CNTN5: variants seen among roughly 807,000 people sequenced by gnomAD.
The protein encoded by CNTN5 is contactin-5.
In CNTN5, 77 loss-of-function variants were observed where a neutral mutation model predicts 129.1. The observed-to-expected ratio is 0.60, with a 90% CI of 0.50 to 0.72. The LOEUF (loss-of-function observed/expected upper bound fraction) is 0.72, where lower values mean the gene tolerates loss of function less well. CNTN5 is among the 30% of genes least tolerant of loss of function. The pLI is 0.00. For synonymous variants in CNTN5, 509 were observed against 465.6 expected, an observed-to-expected ratio of 1.09 and a Z score of -1.20; for missense variants, 1,478 against 1,328.8, an observed-to-expected ratio of 1.11 and a Z score of -1.75.
chr11:99,112,244 T>C (rs11218422), intron 1 of CNTN5, among the ~76,000 whole-genome samples: 71,598 of 151,754 alleles, frequency 0.47, 17,060 homozygotes, highest in East Asian at 0.61. Context: ...GATAAAAATG[T>C]AATAAACGTC....
chr11:99,764,981 A>T (rs529805745), intron 3 of CNTN5, among the ~76,000 whole-genome samples: 1 of 152,244 alleles, frequency 6.6e-6, no homozygotes, highest in East Asian at 1.9e-4. Flanking sequence ...TCATAGTCAC[A>T]TATATCTACT....
chr11:99,702,833 A>G (rs1359896500), intron 3 of CNTN5, among the ~76,000 whole-genome samples: 1 of 150,968 alleles, frequency 6.6e-6, no homozygotes, highest in African/African-American at 2.4e-5. Flanking sequence ...TACTAAGGAT[A>G]AAAGTAGGAA....
At chr11:99,973,783 T>TCC (rs1937741800) in intron 8 of CNTN5, among the ~76,000 whole-genome samples, 1 of 152,238 alleles carries the variant, frequency 6.6e-6, no homozygotes, top group African/African-American at 2.4e-5. Context: ...TATTGAGGAT[T>TCC]CTAAAACTAC....
intron 7 of CNTN5, among the ~76,000 whole-genome samples, chr11:99,920,765 C>A (rs1445333725): frequency 1.3e-5 from 2 of 152,096 alleles, no homozygotes; most frequent in East Asian, 1.9e-4. Flanking sequence ...TAATCTCATT[C>A]ATGAGAGCTT....
At chr11:99,321,064 C>T (rs550327341) in intron 1 of CNTN5, among the ~76,000 whole-genome samples, 3 of 152,150 alleles carry the variant, frequency 2.0e-5, no homozygotes, top group South Asian at 2.1e-4. Context: ...GACTTTGAAA[C>T]GTCAGCTTTT....
chr11:99,749,520 TTTAAA>T (rs1426054199), intron 3 of CNTN5, among the ~76,000 whole-genome samples: 2 of 152,238 alleles, frequency 1.3e-5, no homozygotes, highest in Non-Finnish European at 1.5e-5. Flanking sequence ...TTTTAAATAC[TTTAAA>T]TTAAAAAGAG....
intron 13 of CNTN5, among the ~76,000 whole-genome samples, chr11:100,103,731 T>G (rs553099196): frequency 1.3e-5 from 2 of 152,280 alleles, no homozygotes; most frequent in Admixed American, 1.3e-4. Context: ...TACTTACCAG[T>G]GCCTGCAATG....
At chr11:100,311,250 G>A (rs1951467106) in intron 21 of CNTN5, among the ~76,000 whole-genome samples, 1 of 151,842 alleles carries the variant, frequency 6.6e-6, no homozygotes, top group East Asian at 2.0e-4. Context: ...ATTACATGTA[G>A]GCTATGAAAA....
intron 21 of CNTN5, among the ~76,000 whole-genome samples, chr11:100,334,422 A>C (rs993627864): frequency 6.6e-6 from 1 of 152,196 alleles, no homozygotes; most frequent in Non-Finnish European, 1.5e-5. Context: ...CAGCTATCCC[A>C]CTACTAGGTA....
At chr11:99,956,779 C>T (rs112148988) in intron 7 of CNTN5, 27 bp from the exon 8 acceptor site, 8 of 1,589,404 alleles carry the variant, frequency 5.0e-6, no homozygotes, top group South Asian at 2.2e-5. Flanking sequence ...CAAAGTCTTT[C>T]GTTGACCAAA....
rs549756954 is a variant in CNTN5, at chr11:99,826,810, CT to C, written c.277+7050del. Among the ~76,000 whole-genome samples the C allele has an allele frequency of 4.7e-4, 71 of 152,152 alleles. 2 individuals carry two copies. The South Asian group carries it at 0.015, about 31-fold the overall frequency. Reference sequence around the variant, plus strand: ...GCAAGCCTCCATTAATCAGTGGAATCTTTTTAGCAGCAGTTGCCTGTGAGAC... The same window carrying C: ...GCAAGCCTCCATTAATCAGTGGAATCTTTTAGCAGCAGTTGCCTGTGAGAC... On this transcript the variant is annotated intron_variant, in intron 4 of 24. Coordinates refer to ENST00000524871, the MANE Select transcript of CNTN5 (RefSeq NM_014361.4).
chr11:99,923,427 A>C (rs1459901580), intron 7 of CNTN5, among the ~76,000 whole-genome samples: 1 of 152,162 alleles, frequency 6.6e-6, no homozygotes. Flanking sequence ...AAAACCTATA[A>C]ACCTATATAA....
intron 1 of CNTN5, among the ~76,000 whole-genome samples, chr11:99,200,085 G>A (rs996785690): frequency 1.3e-5 from 2 of 151,908 alleles, no homozygotes; most frequent in Non-Finnish European, 2.9e-5. Context: ...AGTCTGCTGT[G>A]GTTATACTTT....
intron 2 of CNTN5, among the ~76,000 whole-genome samples, chr11:99,372,535 A>T (rs1178984601): frequency 6.6e-6 from 1 of 152,142 alleles, no homozygotes; most frequent in African/African-American, 2.4e-5. Context: ...AGAGGGGAAA[A>T]TCTGGGATAA....
intron 1 of CNTN5, among the ~76,000 whole-genome samples, chr11:99,182,835 C>T (rs188329069): frequency 6.6e-6 from 1 of 152,200 alleles, no homozygotes; most frequent in African/African-American, 2.4e-5. Context: ...TAATTCCTGA[C>T]GTTGAGCTTC....
chr11:99,533,900 A>G (rs1007024546), intron 2 of CNTN5, among the ~76,000 whole-genome samples: 2 of 152,294 alleles, frequency 1.3e-5, no homozygotes, highest in South Asian at 2.1e-4. Flanking sequence ...GTCCATACTC[A>G]TAGAGAAAAT....
At chr11:99,358,225 A>G (rs1348684712) in intron 2 of CNTN5, among the ~76,000 whole-genome samples, 1 of 104,892 alleles carries the variant, frequency 9.5e-6, no homozygotes, top group African/African-American at 3.4e-5. Context: ...AGTAGCTGGG[A>G]CTACAGGCGC....
At chr11:99,120,897 T>A (rs183074167) in intron 1 of CNTN5, among the ~76,000 whole-genome samples, 45 of 152,260 alleles carry the variant, frequency 3.0e-4, no homozygotes, top group African/African-American at 1.1e-3. Context: ...TGCACATAAT[T>A]TACCCAGGCT....
chr11:99,180,997 A>G (rs902868584), intron 1 of CNTN5, among the ~76,000 whole-genome samples: 1 of 152,212 alleles, frequency 6.6e-6, no homozygotes, highest in African/African-American at 2.4e-5. Context: ...ACGTAAGTCC[A>G]GTGCTACTAT....
Sources: gnomAD v4.1 joint callset for allele counts (sites outside exome capture counted in the v4.1 genomes callset) on GRCh38, gnomAD v4.1.1 for gene constraint, MANE v1.5 for transcripts, NCBI Gene and HGNC (gene_info 2026-07-23, HGNC 2026-07-21) for gene names.